BFSP1: variants seen among roughly 807,000 people sequenced by gnomAD.
BFSP1 encodes filensin.
BFSP1 carries 38 observed loss-of-function variants against 43.9 expected under a neutral mutation model. That is an observed-to-expected ratio of 0.87 (90% confidence interval 0.67 to 1.14). The LOEUF (loss-of-function observed/expected upper bound fraction) is 1.14, where lower values mean the gene tolerates loss of function less well. BFSP1 is among the 50% of genes most tolerant of loss of function. The pLI is 0.00. For synonymous variants in BFSP1, 352 were observed against 354.8 expected, an observed-to-expected ratio of 0.99 and a Z score of 0.09; for missense variants, 850 against 875.1, an observed-to-expected ratio of 0.97 and a Z score of 0.36.
chr20:17,555,568 G>C (rs1377475928), intron 1 of BFSP1, among the ~76,000 whole-genome samples: 1 of 152,000 alleles, frequency 6.6e-6, no homozygotes, highest in Non-Finnish European at 1.5e-5. Flanking sequence ...CATGAGAATC[G>C]CTTGAACCCG....
intron 2 of BFSP1, among the ~76,000 whole-genome samples, chr20:17,518,052 A>T (rs1421435843): frequency 1.3e-5 from 2 of 152,144 alleles, no homozygotes; most frequent in Non-Finnish European, 2.9e-5. Flanking sequence ...GCTCCTCCTG[A>T]TTCCTGGCCC....
chr20:17,555,608 G>A (rs2034978154), intron 1 of BFSP1, among the ~76,000 whole-genome samples: 1 of 152,148 alleles, frequency 6.6e-6, no homozygotes, highest in Admixed American at 6.5e-5. Context: ...AGCTGAGATT[G>A]TGCCACTGCA....
chr20:17,547,026 C>CA (rs11324389), intron 1 of BFSP1, among the ~76,000 whole-genome samples: 3,557 of 77,374 alleles, frequency 0.046, 108 homozygotes, highest in African/African-American at 0.06. Context: ...GACTCCATCT[C>CA]AAAAAAAAAA....
At chr20:17,533,319 C>T (rs1349652268), upstream of BFSP1, among the ~76,000 whole-genome samples, 3 of 152,194 alleles carry the variant, frequency 2.0e-5, no homozygotes, top group Non-Finnish European at 4.4e-5. Flanking sequence ...TGACTTCAGG[C>T]TTCCTCACGA....
At position 17,494,220 on chromosome 20, in the gene BFSP1, C is replaced by T; in HGVS notation, c.1852G>A (p.Ala618Thr). 3.1e-6 allele frequency: 5 copies of T among 1,614,180 alleles called. No homozygotes were observed. The highest frequency in any genetic ancestry group is 4.2e-6 in the Non-Finnish European group (5 of 1,180,052). The change falls in exon 8 of 8, where the codon GCC becomes ACC. Residue 618 changes from alanine to threonine, a missense_variant. Ala to Thr is a moderately conservative substitution (Grantham distance 58, BLOSUM62 0). Transcript: ENST00000377873. ...LPEKGPPKAL[A>T]YKTVEVVESI... ...TCCACCACTTCCACTGTCTTATAGG[C>T]CAAAGCCTTGGGAGGGCCTTTTTCT...
At chr20:17,528,467 GC>G (rs1206710424) in intron 1 of BFSP1, among the ~76,000 whole-genome samples, 1 of 152,176 alleles carries the variant, frequency 6.6e-6, no homozygotes, top group Non-Finnish European at 1.5e-5. Context: ...CCATCAAGCT[GC>G]CCCGGATGTC....
At position 17,503,751 on chromosome 20, in the gene BFSP1, ACT is replaced by A. The variant is rs1470575403; in HGVS notation, c.736-4713_736-4712del. On this transcript the variant is annotated intron_variant, in intron 5 of 7. Coordinates refer to ENST00000377873, the MANE Select transcript of BFSP1 (RefSeq NM_001195.5). ...CACACACGTGCGTGCACACACACAC[ACT>A]CTGTCTCCAGGGCCCCTGCAAACTC... is the stretch of plus-strand genomic sequence containing the variant. Among the ~76,000 whole-genome samples the A allele has an allele frequency of 5.9e-5, 9 of 151,690 alleles. No individual in the cohort carries two copies. In the East Asian group the frequency reaches 9.7e-4, roughly 16 times the overall value.
intron 3 of BFSP1, 134 bp downstream of exon 3, chr20:17,514,587 C>T: frequency 3.7e-6 from 3 of 814,180 alleles, no homozygotes; most frequent in South Asian, 3.0e-5. Context: ...CCAATTCACC[C>T]CTATTTGGTT....
intron 1 of BFSP1, among the ~76,000 whole-genome samples, chr20:17,555,578 G>A (rs375574803): frequency 2.0e-5 from 3 of 152,160 alleles, no homozygotes; most frequent in East Asian, 1.9e-4. Flanking sequence ...GCTTGAACCC[G>A]GGAGGCAGAG....
intron 5 of BFSP1, 136 bp downstream of exon 5, chr20:17,508,753 A>C: frequency 1.2e-4 from 101 of 877,172 alleles, no homozygotes; most frequent in Middle Eastern, 3.7e-4. Flanking sequence ...CCCACTCAGA[A>C]AACCCCGTTT....
At position 17,530,858 on chromosome 20, in the gene BFSP1, C is replaced by T. The variant is rs895631655; in HGVS notation, c.377+95G>A. ...TCGATCGACAGGGGACCAGAGACGG[C>T]GCTCCACCCCTGCATGGTAGCAGCG... On this transcript the variant is annotated intron_variant, in intron 1 of 7. Coordinates refer to ENST00000377873, the MANE Select transcript of BFSP1 (RefSeq NM_001195.5). 9.5e-6 allele frequency: 12 copies of T among 1,256,958 alleles called. No individual in the cohort carries two copies. The African/African-American group carries it at 1.6e-4, about 16-fold the overall frequency. The allele number at this position is 1,256,958 out of a possible 1,614,324, so 77.9% of individuals were successfully genotyped here. A position where few individuals can be genotyped will look rare whatever the true frequency, so the allele number is the denominator to read the frequency against.
chr20:17,527,252 G>A (rs943999462), intron 1 of BFSP1, among the ~76,000 whole-genome samples: 2 of 152,196 alleles, frequency 1.3e-5, no homozygotes, highest in African/African-American at 4.8e-5. Context: ...CCAGAAATTA[G>A]TTTTTAAATG....
intron 4 of BFSP1, among the ~76,000 whole-genome samples, chr20:17,510,782 C>T (rs186190628): frequency 2.8e-3 from 431 of 152,324 alleles, no homozygotes; most frequent in African/African-American, 9.8e-3. Context: ...CCTGAGCACA[C>T]ATCTAGGCAA....
intron 5 of BFSP1, 96 bp downstream of exon 5, chr20:17,508,793 G>T: frequency 8.6e-7 from 1 of 1,165,402 alleles, no homozygotes; most frequent in Non-Finnish European, 1.2e-6. Context: ...TGTTCAGCGT[G>T]TGACAGCTCC....
At chr20:17,503,050 G>T (rs1172043360) in intron 5 of BFSP1, among the ~76,000 whole-genome samples, 1 of 152,176 alleles carries the variant, frequency 6.6e-6, no homozygotes, top group Non-Finnish European at 1.5e-5. Flanking sequence ...GACAGGCAGG[G>T]TCTCACTCTA....
At chr20:17,503,326 A>C (rs971701462) in intron 5 of BFSP1, among the ~76,000 whole-genome samples, 4 of 152,252 alleles carry the variant, frequency 2.6e-5, no homozygotes, top group Non-Finnish European at 5.9e-5. Context: ...CATAGCACCT[A>C]TAATCTCTCA....
upstream of BFSP1, among the ~76,000 whole-genome samples, chr20:17,536,328 A>G (rs566170959): frequency 4.3e-4 from 66 of 152,220 alleles, no homozygotes; most frequent in Middle Eastern, 3.4e-3. Flanking sequence ...AGGCGGGTGG[A>G]CTGCTTGAGC....
At chr20:17,563,250 T>G (rs568535770), upstream of BFSP1, among the ~76,000 whole-genome samples, 40 of 152,338 alleles carry the variant, frequency 2.6e-4, no homozygotes, top group Middle Eastern at 6.8e-3. Flanking sequence ...CCAGCTTCCC[T>G]TGCAGCCATA....
intron 1 of BFSP1, among the ~76,000 whole-genome samples, chr20:17,551,216 G>A (rs1247061478): frequency 6.6e-6 from 1 of 152,200 alleles, no homozygotes; most frequent in Non-Finnish European, 1.5e-5. Context: ...AGGAAGCATG[G>A]CACCAGCATC....
Sources: gnomAD v4.1 joint callset for allele counts (sites outside exome capture counted in the v4.1 genomes callset) on GRCh38, gnomAD v4.1.1 for gene constraint, MANE v1.5 for transcripts, NCBI Gene and HGNC (gene_info 2026-07-23, HGNC 2026-07-21) for gene names.